MCPH1: variants seen among roughly 807,000 people sequenced by gnomAD.
MCPH1 encodes microcephalin 1.
In MCPH1, 104 loss-of-function variants were observed where a neutral mutation model predicts 84.5. The observed-to-expected ratio is 1.23, with a 90% CI of 1.05 to 1.45. The LOEUF is 1.45. Ranked by LOEUF, MCPH1 falls within the 40% of genes most tolerant of loss-of-function variation. The pLI, the probability that MCPH1 is intolerant of heterozygous loss-of-function variation, is 0.00. For synonymous variants in MCPH1, 514 were observed against 366.8 expected (o/e 1.40, Z -4.58); for missense variants, 1,498 against 1,005.7 (o/e 1.49, Z -6.62).
At position 6,477,291 on chromosome 8, in the gene MCPH1, C is replaced by T. The variant is rs1029907073; in HGVS notation, c.1936-303C>T. On this transcript the variant is annotated intron_variant, in intron 9 of 13. Coordinates refer to ENST00000344683, the MANE Select transcript of MCPH1 (RefSeq NM_024596.5). ...TTTCTCACTTTGAAGTGCATGAAGACGTTGACACACTTGGAGGTCTGCTGG... is the reference window on the plus strand; with the variant it reads ...TTTCTCACTTTGAAGTGCATGAAGATGTTGACACACTTGGAGGTCTGCTGG... The T allele has an allele frequency of 5.0e-5, 18 of 358,552 alleles. 1 individual carries two copies. In the South Asian group the frequency reaches 5.5e-4, roughly 11 times the overall value. The allele number at this position is 358,552 out of a possible 1,614,324, so 22.2% of individuals were successfully genotyped here.
At chr8:6,602,225 C>A (rs1245565393) in intron 12 of MCPH1, among the ~76,000 whole-genome samples, 1 of 152,332 alleles carries the variant, frequency 6.6e-6, no homozygotes, top group Middle Eastern at 3.4e-3. Context: ...CAACAAGGGG[C>A]CAGCCCGTGG....
intron 9 of MCPH1, among the ~76,000 whole-genome samples, chr8:6,467,667 C>G (rs979505801): frequency 3.9e-5 from 6 of 152,282 alleles, no homozygotes; most frequent in African/African-American, 1.4e-4. Context: ...GAGATCATAG[C>G]TCACTGCAGC....
rs767912333 is a variant in MCPH1, at chr8:6,414,839, T to A, written c.189T>A (p.Ala63=). 6 of 1,613,588 alleles carry A rather than the reference T, an allele frequency of 3.7e-6. No homozygotes were observed. Among genetic ancestry groups the A allele is most frequent in the Non-Finnish European group, 5.1e-6 (6 of 1,179,874 alleles). The change falls in exon 3 of 14, where the codon GCT becomes GCA. Residue 63 remains alanine (A), a synonymous_variant. Coordinates refer to ENST00000344683, the MANE Select transcript of MCPH1 (RefSeq NM_024596.5). ...KDGYQSTWDK[A]QKRGVKLVSV... is the part of the protein sequence containing the mutation. ...GCTACCAGAGCACTTGGGACAAAGC[T>A]CAGAAGAGAGGCGTAAAGCTCGTTT... is the stretch of plus-strand genomic sequence containing the variant.
chr8:6,446,645 A>G (rs1378987360), intron 8 of MCPH1: 30 of 982,256 alleles, frequency 3.1e-5, no homozygotes, highest in Non-Finnish European at 3.6e-5. Flanking sequence ...AATATAAAAC[A>G]ATAGATGTGT....
rs1288347978 is a variant in MCPH1 at position 6,445,262 on chromosome 8, G to A, written c.1540G>A (p.Gly514Arg). The change falls in exon 8 of 14, where the codon GGG (glycine) becomes AGG (arginine). Residue 514 changes from glycine (G) to arginine (R), a missense_variant. Coordinates refer to ENST00000344683, the MANE Select transcript of MCPH1 (RefSeq NM_024596.5). ...EEALRCCRQAGKEDACPEGNG... is the reference protein window; with the variant it reads ...EEALRCCRQARKEDACPEGNG... ...AGCCCTAAGGTGTTGTAGACAGGCT[G>A]GGAAAGAAGACGCATGCCCAGAGGG... is the stretch of plus-strand genomic sequence containing the variant. 1.2e-6 allele frequency: 2 copies of A among 1,614,050 alleles called. No homozygotes were observed. Among genetic ancestry groups the A allele is most frequent in the Non-Finnish European group, 8.5e-7 (1 of 1,180,042 alleles).
chr8:6,437,609 T>C (rs1419931921), intron 5 of MCPH1, among the ~76,000 whole-genome samples: 2 of 152,210 alleles, frequency 1.3e-5, no homozygotes, highest in Non-Finnish European at 2.9e-5. Flanking sequence ...CACATAATTT[T>C]CCAGAAACAT....
Position 6,594,027 on chromosome 8 carries a change from T to A in MCPH1, c.2215-27427T>A, listed in dbSNP as rs565193380. ...TTCTCTCCTATAACCTCGTATAACC[T>A]TCCTGGGTTTTCCTGGGTGCATGTT... On this transcript the variant is annotated intron_variant, in intron 12 of 13. Coordinates refer to ENST00000344683, the MANE Select transcript of MCPH1 (RefSeq NM_024596.5). Among the ~76,000 whole-genome samples the A allele has an allele frequency of 5.3e-5, 8 of 152,348 alleles. No individual in the cohort carries two copies. The South Asian group carries it at 1.0e-3, about 20-fold the overall frequency.
chr8:6,492,314 T>A (rs150609655), intron 11 of MCPH1, among the ~76,000 whole-genome samples: 4,080 of 152,280 alleles, frequency 0.027, 180 homozygotes, highest in African/African-American at 0.092. Flanking sequence ...GCCCACTTGT[T>A]GATGGGGTTG....
intron 9 of MCPH1, chr8:6,474,199 G>C (rs1427870446): frequency 2.8e-6 from 2 of 706,194 alleles, no homozygotes; most frequent in Non-Finnish European, 5.2e-6. Context: ...CATCTAAAAT[G>C]GGACAATTAT....
chr8:6,614,908 T>C (rs1355412341), intron 12 of MCPH1, among the ~76,000 whole-genome samples: 5 of 152,092 alleles, frequency 3.3e-5, no homozygotes, highest in African/African-American at 9.7e-5. Context: ...CATCCCTTTT[T>C]CTTGGGTCTT....
At chr8:6,566,692 G>C (rs1376402055) in intron 12 of MCPH1, among the ~76,000 whole-genome samples, 2 of 150,850 alleles carry the variant, frequency 1.3e-5, no homozygotes, top group Non-Finnish European at 3.0e-5. Flanking sequence ...CATGGATAGT[G>C]AACGTGGTGC....
chr8:6,496,828 G>C (rs1016564465), intron 11 of MCPH1, among the ~76,000 whole-genome samples: 2 of 152,100 alleles, frequency 1.3e-5, no homozygotes, highest in East Asian at 3.9e-4. Context: ...TTATTAAATG[G>C]GGTCATGTTT....
chr8:6,539,521 C>G (rs551652357), intron 12 of MCPH1, among the ~76,000 whole-genome samples: 1 of 152,178 alleles, frequency 6.6e-6, no homozygotes, highest in Non-Finnish European at 1.5e-5. Flanking sequence ...CACATAGGGT[C>G]TTTTAAGCAC....
intron 13 of MCPH1, chr8:6,626,936 C>A: frequency 1.0e-6 from 1 of 984,428 alleles, no homozygotes; most frequent in Non-Finnish European, 1.2e-6. Flanking sequence ...ATAAGACATA[C>A]ATTTATGCTA....
chr8:6,590,993 C>G (rs1433962469), intron 12 of MCPH1, among the ~76,000 whole-genome samples: 1 of 152,250 alleles, frequency 6.6e-6, no homozygotes, highest in Non-Finnish European at 1.5e-5. Context: ...CCTCCGCTTC[C>G]TGGGCTCAAG....
chr8:6,512,404 G>A (rs958700442), intron 12 of MCPH1, among the ~76,000 whole-genome samples: 1 of 152,276 alleles, frequency 6.6e-6, no homozygotes, highest in African/African-American at 2.4e-5. Context: ...TTAATGAGAT[G>A]AAGACGAGAC....
intron 13 of MCPH1, among the ~76,000 whole-genome samples, chr8:6,641,685 A>C (rs1057049462): frequency 6.6e-6 from 1 of 152,234 alleles, no homozygotes; most frequent in Admixed American, 6.5e-5. Context: ...CTGAGGCTGC[A>C]GTGAGTCATG....
In MCPH1 at chr8:6,406,691, TG is replaced by T; in HGVS notation, c.22+3del. The T allele has an allele frequency of 6.2e-7, 1 of 1,610,758 alleles. No homozygotes were observed. The highest frequency in any genetic ancestry group is 8.5e-7 in the Non-Finnish European group (1 of 1,179,130). On this transcript the variant is annotated splice_donor_region_variant and intron_variant, in intron 1 of 13. Transcript: ENST00000344683. ...TCATGGCGGCCCCCATCCTGAAAGG[TG>T]AGGTACTTCCTGCTGCCTGCTCCAG...
At chr8:6,476,200 G>T (rs1808429902) in intron 9 of MCPH1, among the ~76,000 whole-genome samples, 1 of 152,016 alleles carries the variant, frequency 6.6e-6, no homozygotes, top group African/African-American at 2.4e-5. Flanking sequence ...AGGCCGAGGT[G>T]GGTGGATCAC....
Sources: gnomAD v4.1 joint callset for allele counts (sites outside exome capture counted in the v4.1 genomes callset) on GRCh38, gnomAD v4.1.1 for gene constraint, MANE v1.5 for transcripts, NCBI Gene and HGNC (gene_info 2026-07-23, HGNC 2026-07-21) for gene names.